LRRC28: variants seen among roughly 807,000 people sequenced by gnomAD.
LRRC28 encodes leucine-rich repeat-containing protein 28.
In LRRC28, 39 loss-of-function variants were observed where a neutral mutation model predicts 45.7. That is an observed-to-expected ratio of 0.85 (90% CI 0.66 to 1.12). The LOEUF (loss-of-function observed/expected upper bound fraction) is 1.12, where lower values mean the gene tolerates loss of function less well. Ranked by LOEUF, LRRC28 falls within the 50% of genes most tolerant of loss-of-function variation. The pLI is 0.00. For missense variants in LRRC28, 435 were observed against 438.5 expected, an observed-to-expected ratio of 0.99 and a Z score of 0.07; for synonymous variants, 206 against 178.8, an observed-to-expected ratio of 1.15 and a Z score of -1.22.
intron 6 of LRRC28, among the ~76,000 whole-genome samples, chr15:99,346,439 C>T (rs182286770): frequency 3.7e-4 from 56 of 152,256 alleles, no homozygotes; most frequent in Admixed American, 1.4e-3. Flanking sequence ...TGATAAATTA[C>T]ATTTTAATAC....
intron 6 of LRRC28, among the ~76,000 whole-genome samples, chr15:99,349,815 C>T (rs926114728): frequency 3.3e-5 from 5 of 152,218 alleles, no homozygotes; most frequent in African/African-American, 1.2e-4. Context: ...GCCCCTCAGA[C>T]ATAGTTTTGA....
rs1279050585 is a variant in LRRC28, at chr15:99,389,810, C to G, written c.*3708C>G. On this transcript the variant is annotated 3_prime_UTR_variant, in exon 10 of 10. Coordinates refer to ENST00000301981, the MANE Select transcript of LRRC28 (RefSeq NM_144598.5). The stretch of plus-strand genomic sequence containing the variant: ...TTTTATAAAGTTTGTATTTTTGAAA[C>G]TAGCTCTATGTCTATCTAAAAATCA... 1 of 152,116 alleles carries G rather than the reference C, an allele frequency of 6.6e-6. No individual in the cohort carries two copies. Among genetic ancestry groups the G allele is most frequent in the South Asian group, 2.1e-4 (1 of 4,828 alleles). 9.4% of individuals were successfully genotyped at this position (152,116 alleles called of 1,614,324 possible). A position where few individuals can be genotyped will look rare whatever the true frequency, so the allele number is the denominator to read the frequency against.
intron 6 of LRRC28, among the ~76,000 whole-genome samples, chr15:99,336,518 C>T (rs1192988244): frequency 6.6e-6 from 1 of 152,180 alleles, no homozygotes; most frequent in Non-Finnish European, 1.5e-5. Context: ...CAAAGTTTGG[C>T]TCTGCCATTT....
intron 5 of LRRC28, among the ~76,000 whole-genome samples, chr15:99,291,089 T>C (rs2082110535): frequency 1.3e-5 from 2 of 152,230 alleles, no homozygotes; most frequent in African/African-American, 4.8e-5. Context: ...CCATTATATA[T>C]TCTTAGAGGT....
At chr15:99,277,825 C>G (rs774821023) in intron 3 of LRRC28, among the ~76,000 whole-genome samples, 1 of 152,060 alleles carries the variant, frequency 6.6e-6, no homozygotes, top group African/African-American at 2.4e-5. Context: ...AGATGTCTTT[C>G]CATCTTTTTA....
chr15:99,355,602 C>T (rs1441208432), intron 7 of LRRC28: 1 of 152,116 alleles, frequency 6.6e-6, no homozygotes, highest in East Asian at 1.9e-4. Flanking sequence ...CAATCTTCTA[C>T]ATTGTAGCCA....
Position 99,380,750 on chromosome 15 carries a change from A to G in LRRC28, c.1032-5280A>G, listed in dbSNP as rs541753353. ...CCTGGTGGTGACAAAATCTCTCAGC[A>G]TTTGCTTGTCTGTAAAGGATTTTAT... On this transcript the variant is annotated intron_variant, in intron 9 of 9. Transcript: ENST00000301981. Among the ~76,000 whole-genome samples, 3 of 152,278 alleles carry G rather than the reference A, an allele frequency of 2.0e-5. No homozygotes were observed. The South Asian group carries it at 6.2e-4, about 32-fold the overall frequency.
At position 99,362,530 on chromosome 15, in the gene LRRC28, G is replaced by A. The variant is rs537312616; in HGVS notation, c.872-576G>A. Among the ~76,000 whole-genome samples, 5 of 152,338 alleles carry A rather than the reference G, an allele frequency of 3.3e-5. No individual in the cohort carries two copies. The East Asian group carries it at 9.6e-4, about 29-fold the overall frequency. On this transcript the variant is annotated intron_variant, in intron 8 of 9. Transcript: ENST00000301981. ...GTTTTGCTTTAAATGTCTGTTTTGT[G>A]TAGCTCAGACTAAGCTGGGAAGGAA...
chr15:99,267,977 T>C (rs1353961969), intron 2 of LRRC28, among the ~76,000 whole-genome samples: 1 of 152,220 alleles, frequency 6.6e-6, no homozygotes, highest in Admixed American at 6.5e-5. Flanking sequence ...ATTTATAATT[T>C]AGACAATTTT....
chr15:99,282,315 G>A (rs1328166849), intron 3 of LRRC28, among the ~76,000 whole-genome samples: 1 of 151,104 alleles, frequency 6.6e-6, no homozygotes, highest in Non-Finnish European at 1.5e-5. Context: ...TTTCCTTCCT[G>A]TTCTACAGTC....
At chr15:99,345,837 A>ACC (rs1162082951) in intron 6 of LRRC28, among the ~76,000 whole-genome samples, 1 of 152,214 alleles carries the variant, frequency 6.6e-6, no homozygotes, top group Non-Finnish European at 1.5e-5. Context: ...AGATTGAGGG[A>ACC]CCAGGTACTG....
At chr15:99,311,594 C>T (rs1189107601) in intron 5 of LRRC28, among the ~76,000 whole-genome samples, 1 of 152,154 alleles carries the variant, frequency 6.6e-6, no homozygotes, top group African/African-American at 2.4e-5. Context: ...GGTTGGCAAA[C>T]TATGACACAC....
intron 2 of LRRC28, chr15:99,260,114 A>G (rs1353141605): frequency 9.0e-6 from 4 of 444,372 alleles, no homozygotes; most frequent in Non-Finnish European, 1.7e-5. Flanking sequence ...GCCCCCCACC[A>G]GTCCCCTTCT....
At chr15:99,280,840 G>A (rs1349231972) in intron 3 of LRRC28, among the ~76,000 whole-genome samples, 1 of 151,948 alleles carries the variant, frequency 6.6e-6, no homozygotes, top group Non-Finnish European at 1.5e-5. Flanking sequence ...ACTCTTACCT[G>A]TTTGTTAGAC....
At chr15:99,258,893 C>G in intron 2 of LRRC28, 1 of 714,526 alleles carries the variant, frequency 1.4e-6, no homozygotes, top group South Asian at 1.4e-5. Flanking sequence ...TGATACGATG[C>G]CTAAGAACCT....
chr15:99,306,938 C>G (rs573302873), intron 5 of LRRC28, among the ~76,000 whole-genome samples: 25 of 152,306 alleles, frequency 1.6e-4, no homozygotes, highest in Non-Finnish European at 5.9e-5. Context: ...GGTCCATTGC[C>G]TCTGAGTTTG....
chr15:99,376,033 G>T (rs549943613), intron 9 of LRRC28, among the ~76,000 whole-genome samples: 19 of 151,844 alleles, frequency 1.3e-4, no homozygotes, highest in Admixed American at 4.6e-4. Flanking sequence ...ACTTACACTA[G>T]AAAAGAGGAA....
chr15:99,350,155 A>AG lies in LRRC28; in HGVS notation c.593-2214_593-2213insG, dbSNP rs1327075402. Reference sequence around the variant, plus strand: ...GAGACTCCGTCTCAAAAAAAAAAAAAAAAAGAAAAATGCAAGTTAAAACAA... The same window carrying AG: ...GAGACTCCGTCTCAAAAAAAAAAAAAGAAAAGAAAAATGCAAGTTAAAACAA... On this transcript the variant is annotated intron_variant, in intron 6 of 9. Transcript: ENST00000301981. Among the ~76,000 whole-genome samples the AG allele has an allele frequency of 2.6e-5, 4 of 151,978 alleles. 1 individual carries two copies. In the South Asian group the frequency reaches 6.2e-4, roughly 24 times the overall value.
chr15:99,355,236 A>C (rs897674406), intron 7 of LRRC28, among the ~76,000 whole-genome samples: 7 of 152,224 alleles, frequency 4.6e-5, no homozygotes, highest in African/African-American at 1.7e-4. Flanking sequence ...TTGTGGGAAA[A>C]ACCAAGATAG....
Sources: gnomAD v4.1 joint callset for allele counts (sites outside exome capture counted in the v4.1 genomes callset) on GRCh38, gnomAD v4.1.1 for gene constraint, MANE v1.5 for transcripts, NCBI Gene and HGNC (gene_info 2026-07-23, HGNC 2026-07-21) for gene names.